Variants in CLDN14 observed in about 807,000 individuals in gnomAD.
CLDN14 encodes claudin-14.
In CLDN14, 2 loss-of-function variants were observed where a neutral mutation model predicts 2.1. That is an observed-to-expected ratio of 0.96 (90% confidence interval 0.39 to 3.01). The LOEUF (loss-of-function observed/expected upper bound fraction) is 3.01, where lower values mean the gene tolerates loss of function less well. CLDN14 is among the 30% of genes most tolerant of loss of function. CLDN14 has a pLI of 0.09. For synonymous variants in CLDN14, 136 were observed against 154.4 expected, an observed-to-expected ratio of 0.88 and a Z score of 0.88; for missense variants, 298 against 328.0, an observed-to-expected ratio of 0.91 and a Z score of 0.71.
chr21:36,553,778 T>G (rs1271067280), intron 1 of CLDN14, among the ~76,000 whole-genome samples: 1 of 152,078 alleles, frequency 6.6e-6, no homozygotes, highest in African/African-American at 2.4e-5. Context: ...CTCCCCTTTA[T>G]GGTGAGGACA....
At chr21:36,482,411 C>T (rs56208514), upstream of CLDN14, among the ~76,000 whole-genome samples, 4,293 of 141,616 alleles carry the variant, frequency 0.03, 126 homozygotes, top group East Asian at 0.12. Context: ...GATGGATAGA[C>T]GGATGGATGG....
chr21:36,570,514 G>C (rs781396133), intron 1 of CLDN14, among the ~76,000 whole-genome samples: 6 of 152,162 alleles, frequency 3.9e-5, no homozygotes, highest in Non-Finnish European at 7.3e-5. Context: ...TGGTTTACAA[G>C]TCAATCTTAA....
At position 36,499,943 on chromosome 21, in the gene CLDN14, G is replaced by A. The variant is rs533656852; in HGVS notation, c.-82+10420C>T. ...GGAGCAGTACTGGGCCCAGAAGCCT[G>A]CCCCAGCCGCGCACACAGAGTCTAC... On this transcript the variant is annotated intron_variant, in intron 2 of 2. Transcript: ENST00000342108. The surrounding 1 kb of genome is among the most constrained non-coding windows in gnomAD (Gnocchi z 4.7). 4.7e-4 allele frequency among the ~76,000 whole-genome samples: 72 copies of A among 152,224 alleles called. No individual in the cohort carries two copies. Among genetic ancestry groups the A allele is most frequent in the South Asian group, 4.1e-4 (2 of 4,826 alleles).
At chr21:36,500,666 A>T (rs946431573) in intron 2 of CLDN14, among the ~76,000 whole-genome samples, 1 of 152,140 alleles carries the variant, frequency 6.6e-6, no homozygotes, top group Non-Finnish European at 1.5e-5. Context: ...TCCTTGCCTC[A>T]AGTGATCCAC....
chr21:36,567,505 C>A (rs964027021), intron 1 of CLDN14, among the ~76,000 whole-genome samples: 2 of 152,200 alleles, frequency 1.3e-5, no homozygotes, highest in African/African-American at 4.8e-5. Flanking sequence ...TCCTTAATTA[C>A]AGCACGATTA....
At chr21:36,500,366 C>T (rs1482781556) in intron 2 of CLDN14, among the ~76,000 whole-genome samples, 1 of 152,144 alleles carries the variant, frequency 6.6e-6, no homozygotes, top group Admixed American at 6.5e-5. Context: ...TGACACGTCC[C>T]GCTGACCAAC....
At chr21:36,550,553 T>C (rs1468246008) in intron 1 of CLDN14, among the ~76,000 whole-genome samples, 1 of 152,198 alleles carries the variant, frequency 6.6e-6, no homozygotes, top group African/African-American at 2.4e-5. Context: ...TCTCAGGTGC[T>C]GTCTGGAAAG....
At chr21:36,543,812 G>A (rs147855880) in intron 1 of CLDN14, among the ~76,000 whole-genome samples, 49 of 152,172 alleles carry the variant, frequency 3.2e-4, no homozygotes, top group African/African-American at 9.6e-4. Flanking sequence ...TGTGGGACAC[G>A]GCCAAAAGCA....
intron 1 of CLDN14, among the ~76,000 whole-genome samples, chr21:36,545,965 C>T (rs1276528058): frequency 6.6e-6 from 1 of 152,174 alleles, no homozygotes; most frequent in Non-Finnish European, 1.5e-5. Flanking sequence ...CCAGCAAGAG[C>T]GAGAACCAGT....
chr21:36,531,129 G>A (rs1416639225), intron 1 of CLDN14, among the ~76,000 whole-genome samples: 6 of 151,962 alleles, frequency 3.9e-5, no homozygotes, highest in South Asian at 2.1e-4. Flanking sequence ...TCAGGAGGCC[G>A]AGGCAGGAGA....
intron 1 of CLDN14, among the ~76,000 whole-genome samples, chr21:36,535,865 C>T (rs569339570): frequency 5.3e-5 from 8 of 152,318 alleles, no homozygotes; most frequent in South Asian, 2.1e-4. Context: ...TGAAACCCTT[C>T]GGGTTAGCCA....
intron 1 of CLDN14, among the ~76,000 whole-genome samples, chr21:36,468,168 C>T (rs1017030702): frequency 6.6e-6 from 1 of 152,210 alleles, no homozygotes; most frequent in Non-Finnish European, 1.5e-5. Context: ...TGAACATAGT[C>T]ATTGGCCCTT....
intron 1 of CLDN14, among the ~76,000 whole-genome samples, chr21:36,549,285 C>G (rs140653683): frequency 0.011 from 1,735 of 152,186 alleles, 129 homozygotes; most frequent in Admixed American, 0.1. Context: ...CACTCTCTCT[C>G]TCTCTCTCTC....
chr21:36,484,578 C>T (rs969176299), upstream of CLDN14, among the ~76,000 whole-genome samples: 1 of 152,144 alleles, frequency 6.6e-6, no homozygotes, highest in African/African-American at 2.4e-5. Context: ...CTTGGCATTC[C>T]TTGGCTTCCA....
At chr21:36,483,778 G>T (rs1169412421), upstream of CLDN14, among the ~76,000 whole-genome samples, 6 of 152,186 alleles carry the variant, frequency 3.9e-5, no homozygotes, top group Non-Finnish European at 8.8e-5. Flanking sequence ...GGGGTGTTGT[G>T]GTTTGTGGGT....
intron 1 of CLDN14, among the ~76,000 whole-genome samples, chr21:36,541,056 A>G (rs879590995): frequency 2.6e-5 from 4 of 152,144 alleles, no homozygotes; most frequent in Non-Finnish European, 4.4e-5. Flanking sequence ...GTTAGAGTTG[A>G]GAAAAGAGGA....
At chr21:36,521,168 G>C (rs1055980027) in intron 1 of CLDN14, among the ~76,000 whole-genome samples, 2 of 152,118 alleles carry the variant, frequency 1.3e-5, no homozygotes, top group Admixed American at 6.5e-5. Context: ...TGAAAGTAGA[G>C]GTCATTCCGT....
chr21:36,473,995 G>A (rs1397075289), intron 1 of CLDN14, among the ~76,000 whole-genome samples: 1 of 152,200 alleles, frequency 6.6e-6, no homozygotes, highest in Non-Finnish European at 1.5e-5. Flanking sequence ...ACCTTGATAA[G>A]CTCAGTTTCG....
chr21:36,478,354 C>A (rs1358230985), intron 1 of CLDN14, among the ~76,000 whole-genome samples: 3 of 152,160 alleles, frequency 2.0e-5, no homozygotes, highest in African/African-American at 7.2e-5. Context: ...TAATCTTGGG[C>A]AAGCTGCTCA....
Sources: allele counts gnomAD v4.1 joint callset (sites outside exome capture counted in the v4.1 genomes callset), GRCh38; gene constraint gnomAD v4.1.1; non-coding constraint Gnocchi (gnomAD v3.1); transcripts MANE v1.5; gene names NCBI Gene and HGNC (gene_info 2026-07-23, HGNC 2026-07-21).